WDR87: variants seen among roughly 807,000 people sequenced by gnomAD.
WDR87 encodes the protein WD repeat domain 87, also known as WD repeat-containing protein 87.
WDR87 carries 56 observed loss-of-function variants against 83.3 expected under a neutral mutation model. That is an observed-to-expected ratio of 0.67 (90% CI 0.54 to 0.84). The LOEUF (loss-of-function observed/expected upper bound fraction) is 0.84, where lower values mean the gene tolerates loss of function less well. Ranked by LOEUF, WDR87 falls within the 40% of genes least tolerant of loss-of-function variation. The probability of loss-of-function intolerance (pLI) is 0.00; values close to 1 mark genes in which losing one functional copy is unlikely to be tolerated. For synonymous variants in WDR87, 1,173 were observed against 1,250.6 expected (o/e 0.94, Z 1.31); for missense variants, 2,939 against 3,431.9 (o/e 0.86, Z 3.59).
At chr19:37,903,428 T>C (rs1423726643) in intron 1 of WDR87, among the ~76,000 whole-genome samples, 1 of 152,212 alleles carries the variant, frequency 6.6e-6, no homozygotes, top group Non-Finnish European at 1.5e-5. Context: ...CAGGGTGGGC[T>C]AGTTTCTGTT....
Position 37,885,607 on chromosome 19 carries a change from C to T in WDR87, c.8064G>A (p.Glu2688=), listed in dbSNP as rs765362570. 2.4e-5 allele frequency: 38 copies of T among 1,551,638 alleles called. No individual in the cohort carries two copies. In the Middle Eastern group the frequency reaches 5.0e-4, roughly 20 times the overall value. ...GAGCAATGGATATCTGCTGTGCCCT[C>T]TCACTTCTGTAAGGTTCTCCTAGAA... ...WHLLGEPYRS[E]RAQQISIAHK... Residue 2688 remains glutamate (E), a synonymous_variant, in exon 6 of 6, where the codon GAG becomes GAA. Transcript: ENST00000447313.
In WDR87 at chr19:37,889,530, C is replaced by G. The variant is rs577373170; in HGVS notation, c.4141G>C (p.Val1381Leu). ...GCTTGTTCTTCTTCCCTTGGCATCA[C>G]TTCCTTGTGTCTGATCACCTCTTGG... The part of the protein sequence containing the change: ...VTQEVIRHKE[V>L]MPREEEQAQK... The change falls in exon 6 of 6, where the codon GTG becomes CTG. Residue 1381 changes from valine (V) to leucine (L), a missense_variant. Val to Leu is a conservative substitution (Grantham distance 32). This residue lies in a region of WDR87 where 2,160 missense variants were observed against 2,533.1 expected (regional missense o/e 0.85). Transcript: ENST00000447313. The G allele has an allele frequency of 2.6e-6, 4 of 1,551,804 alleles. No homozygotes were observed. The highest frequency in any genetic ancestry group is 2.7e-5 in the African/African-American group (2 of 73,170).
At position 37,886,783 on chromosome 19, in the gene WDR87, C is replaced by A; in HGVS notation, c.6888G>T (p.Arg2296Ser). ...EEEEREEEEE[R>S]EEEEEREEEE... ...CCTCCTCCCTTTCCTCCTCCTCCTCCCTTTCCTCTTCTTCCTCCCTTTCCT... is the reference window on the plus strand; with the variant it reads ...CCTCCTCCCTTTCCTCCTCCTCCTCACTTTCCTCTTCTTCCTCCCTTTCCT... The change falls in exon 6 of 6, where the codon AGG becomes AGT. Residue 2296 changes from arginine (R) to serine (S), a missense_variant. Arg to Ser is a moderately radical substitution (Grantham distance 110, BLOSUM62 -1). Transcript: ENST00000447313. 6.5e-7 allele frequency: 1 copy of A among 1,540,710 alleles called. No homozygotes were observed.
intron 4 of WDR87, 121 bp from the exon 5 acceptor site, chr19:37,891,941 A>T: frequency 8.4e-7 from 1 of 1,187,318 alleles, no homozygotes; most frequent in South Asian, 1.6e-5. Flanking sequence ...GAGATGGCAT[A>T]TGCAGAGGAA....
rs2046144714 is a variant in WDR87, at chr19:37,886,341, G to A, written c.7330C>T (p.Pro2444Ser). ...ATTTGTTTCTCCGGCACTGGCACTG[G>A]TGTTTTCTCTTTCATCTCCAGAGCT... The part of the protein sequence containing the change: ...STALEMKEKT[P>S]VPVPEKQISW... Residue 2444 changes from proline to serine, a missense_variant, in exon 6 of 6, where the codon CCA (proline) becomes TCA (serine). Around this residue, in one of 3 missense-constraint regions of WDR87, gnomAD observed 2,160 missense variants for 2,533.1 expected, o/e 0.85. Transcript: ENST00000447313. The A allele has an allele frequency of 1.3e-6, 2 of 1,551,502 alleles. No homozygotes were observed. Among genetic ancestry groups the A allele is most frequent in the Non-Finnish European group, 1.7e-6 (2 of 1,146,962 alleles).
Position 37,894,772 on chromosome 19 carries a change from T to G in WDR87, c.931A>C (p.Asn311His). 1 of 1,551,750 alleles carries G rather than the reference T, an allele frequency of 6.4e-7. No individual in the cohort carries two copies. Residue 311 changes from asparagine (N) to histidine (H), a missense_variant, in exon 4 of 6, where the codon AAC becomes CAC. Coordinates refer to ENST00000447313, the MANE Select transcript of WDR87 (RefSeq NM_001291088.2). ...CGAAGCAGGCTCCCTGAAGTCAGGT[T>G]CCACTCCTTGATTAGGCTGTCACTA... ...AGSDSLIKEW[N>H]LTSGSLLRRL...
rs375065529 is a variant in WDR87, at chr19:37,888,456, G to T, written c.5215C>A (p.Leu1739Met). The T allele has an allele frequency of 3.2e-6, 5 of 1,552,018 alleles. No homozygotes were observed. In the African/African-American group the frequency reaches 5.5e-5, roughly 17 times the overall value. ...KNILAQKVEE[L>M]PQREQNLDWQ... ...TCCAGATTTTGTTCCCTCTGGGGCA[G>T]TTCTTCCACTTTCTGGGCCAATATG... The change falls in exon 6 of 6, where the codon CTG becomes ATG. Residue 1739 changes from leucine to methionine, a missense_variant. This residue lies in a region of WDR87 where 2,160 missense variants were observed against 2,533.1 expected (regional missense o/e 0.85). Coordinates refer to ENST00000447313, the MANE Select transcript of WDR87 (RefSeq NM_001291088.2).
At chr19:37,905,805 C>T (rs897619881) in intron 1 of WDR87, among the ~76,000 whole-genome samples, 1 of 152,124 alleles carries the variant, frequency 6.6e-6, no homozygotes, top group Admixed American at 6.6e-5. Context: ...CCTCCTGCCT[C>T]GGTGGCTCAA....
In WDR87 at chr19:37,893,111, C is replaced by T; in HGVS notation, c.2592G>A (p.Trp864Ter). The stretch of plus-strand genomic sequence containing the variant: ...TACTTATAGCTCTTACCCTGCTGTG[C>T]CAGAAAAAGAATTCTTGAGACCTGT... ...EWDRSQEFFF[W>*]HSRVRAISNT... The change falls in exon 4 of 6, where the codon TGG (tryptophan) becomes TGA (stop). Residue 864 changes from tryptophan to a stop codon, truncating the protein, a stop_gained. Coordinates refer to ENST00000447313, the MANE Select transcript of WDR87 (RefSeq NM_001291088.2). LOFTEE classifies it high-confidence loss of function. The T allele has an allele frequency of 3.2e-6, 5 of 1,551,758 alleles. No individual in the cohort carries two copies. Among genetic ancestry groups the T allele is most frequent in the Non-Finnish European group, 4.4e-6 (5 of 1,147,010 alleles).
In WDR87 at chr19:37,885,793, C is replaced by T; in HGVS notation, c.7878G>A (p.Arg2626=). The stretch of plus-strand genomic sequence containing the variant: ...GACTCATGGACTGTCTACTTGAGAT[C>T]CTTGTGTCTTGTGACTCCAGGGCCT... ...HRQALESQDT[R]ISSRQSMSPK... Residue 2626 remains arginine (R), a synonymous_variant, in exon 6 of 6, where the codon AGG becomes AGA. Transcript: ENST00000447313. The T allele has an allele frequency of 6.4e-7, 1 of 1,551,772 alleles. No homozygotes were observed. Among genetic ancestry groups the T allele is most frequent in the Non-Finnish European group, 8.7e-7 (1 of 1,147,022 alleles).
intron 4 of WDR87, 51 bp from the exon 5 acceptor site, chr19:37,891,871 G>A: frequency 6.5e-7 from 1 of 1,526,898 alleles, no homozygotes; most frequent in Non-Finnish European, 8.8e-7. Context: ...GAACAAAAGG[G>A]AGAATGGGAA....
At position 37,889,378 on chromosome 19, in the gene WDR87, CTCTTCTT is replaced by C; in HGVS notation, c.4286_4292del (p.Lys1429ArgfsTer22). The C allele has an allele frequency of 6.4e-7, 1 of 1,551,462 alleles. No individual in the cohort carries two copies. On this transcript the variant is annotated frameshift_variant, in exon 6 of 6. Coordinates refer to ENST00000447313, the MANE Select transcript of WDR87 (RefSeq NM_001291088.2). LOFTEE classifies it low-confidence loss of function (END_TRUNC). ...TAGGTGACTTCTGAAAGGTTTTCTT[CTCTTCTT>C]TCTTTGATATTTCTTTTCCCATGGT...
In WDR87 at chr19:37,885,053, C is replaced by T. The variant is rs1361409561; in HGVS notation, c.8618G>A (p.Arg2873His). 7.5e-6 allele frequency: 11 copies of T among 1,468,712 alleles called. No homozygotes were observed. The highest frequency in any genetic ancestry group is 5.7e-5 in the African/African-American group (4 of 70,360). The allele number at this position is 1,468,712 out of a possible 1,614,324, so 91.0% of individuals were successfully genotyped here. Residue 2873 changes from arginine (R) to histidine (H), a missense_variant, in exon 6 of 6, where the codon CGC becomes CAC. Physicochemically the swap from Arg to His is conservative, Grantham distance 29. This residue lies in a region of WDR87 where 2,160 missense variants were observed against 2,533.1 expected (regional missense o/e 0.85). Transcript: ENST00000447313. ...AVPLPWQNCV[R>H]TILPVGIARY... ...GGCAATGCCCACGGGAAGGATGGTG[C>T]GCACACAGTTCTGCCATGGGAGGGG...
At position 37,892,759 on chromosome 19, in the gene WDR87, C is replaced by T. The variant is rs1487791598; in HGVS notation, c.2944G>A (p.Glu982Lys). 1.3e-6 allele frequency: 2 copies of T among 1,551,742 alleles called. No individual in the cohort carries two copies. Among genetic ancestry groups the T allele is most frequent in the Non-Finnish European group, 1.7e-6 (2 of 1,146,994 alleles). Residue 982 changes from glutamate (E) to lysine (K), a missense_variant, in exon 4 of 6, where the codon GAA becomes AAA. Coordinates refer to ENST00000447313, the MANE Select transcript of WDR87 (RefSeq NM_001291088.2). The stretch of plus-strand genomic sequence containing the variant: ...ATCATTCCTAGACGCTTCAGCCCTT[C>T]CCAAGCTAGTTCTCGGATCAGCGGG... ...SNPLIRELAW[E>K]GLKRLGMITH...
chr19:37,894,884 G>T lies in WDR87; in HGVS notation c.819C>A (p.Gly273=). Residue 273 remains glycine, a synonymous_variant, in exon 4 of 6, where the codon GGC becomes GGA. Coordinates refer to ENST00000447313, the MANE Select transcript of WDR87 (RefSeq NM_001291088.2). ...GEIQVWSLQQ[G]HPLHSFQAHQ... is the part of the protein sequence containing the mutation. Reference sequence around the variant, plus strand: ...GGGCCTGGAAACTGTGGAGTGGATGGCCCTGCTGGAGGCTCCAAACTTGGA... The same window carrying T: ...GGGCCTGGAAACTGTGGAGTGGATGTCCCTGCTGGAGGCTCCAAACTTGGA... The T allele has an allele frequency of 2.6e-6, 4 of 1,551,742 alleles. No individual in the cohort carries two copies. The highest frequency in any genetic ancestry group is 1.7e-4 in the Middle Eastern group (1 of 5,992).
chr19:37,888,533 C>G lies in WDR87; in HGVS notation c.5138G>C (p.Arg1713Thr), dbSNP rs747555119. ...KLAKKWEKVA[R>T]EEEKLAKKGG... ...TTTCTTTGCTAGTTTCTCTTCTTCT[C>G]TAGCCACTTTCTCCCATTTCTTGGC... is the stretch of plus-strand genomic sequence containing the variant. Residue 1713 changes from arginine to threonine, a missense_variant, in exon 6 of 6, where the codon AGA becomes ACA. This residue lies in a region of WDR87 where 2,160 missense variants were observed against 2,533.1 expected (regional missense o/e 0.85). Coordinates refer to ENST00000447313, the MANE Select transcript of WDR87 (RefSeq NM_001291088.2). 3 of 1,551,564 alleles carry G rather than the reference C, an allele frequency of 1.9e-6. No individual in the cohort carries two copies. Among genetic ancestry groups the G allele is most frequent in the African/African-American group, 2.7e-5 (2 of 73,032 alleles).
intron 2 of WDR87, among the ~76,000 whole-genome samples, chr19:37,897,671 C>T (rs2046266731): frequency 6.6e-6 from 1 of 151,904 alleles, no homozygotes; most frequent in African/African-American, 2.4e-5. Context: ...ATTACTTGAG[C>T]TCAGGAGTTC....
At position 37,893,361 on chromosome 19, in the gene WDR87, C is replaced by T. The variant is rs900785056; in HGVS notation, c.2342G>A (p.Arg781His). The T allele has an allele frequency of 1.9e-5, 29 of 1,551,998 alleles. No homozygotes were observed. The highest frequency in any genetic ancestry group is 5.5e-5 in the African/African-American group (4 of 73,176). Reference sequence around the variant, plus strand: ...AGGAAGCACATAATGGCATTGGTAACGTTTGCTCACCTGCATCCAATCTTC... The same window carrying T: ...AGGAAGCACATAATGGCATTGGTAATGTTTGCTCACCTGCATCCAATCTTC... ...DMEDWMQVSKRYQCHYVLPPQ... is the reference protein window; with the variant it reads ...DMEDWMQVSKHYQCHYVLPPQ... The change falls in exon 4 of 6, where the codon CGT becomes CAT. Residue 781 changes from arginine (R) to histidine (H), a missense_variant. Physicochemically the swap from Arg to His is conservative, Grantham distance 29. Coordinates refer to ENST00000447313, the MANE Select transcript of WDR87 (RefSeq NM_001291088.2).
Position 37,891,651 on chromosome 19 carries a change from T to G in WDR87, c.3295A>C (p.Lys1099Gln). 6.4e-7 allele frequency: 1 copy of G among 1,551,916 alleles called. No individual in the cohort carries two copies. Among genetic ancestry groups the G allele is most frequent in the Non-Finnish European group, 8.7e-7 (1 of 1,147,042 alleles). The part of the protein sequence containing the change: ...SLDVSMPSEL[K>Q]SSLKPPTVSE... ...ACTGTAGGAGGTTTCAGGGAGGATT[T>G]AAGTTCAGAAGGCATTGAGACATCT... The change falls in exon 5 of 6, where the codon AAA (lysine) becomes CAA (glutamine). Residue 1099 changes from lysine to glutamine, a missense_variant. By Grantham distance (53) the Lys-to-Gln change is moderately conservative. Transcript: ENST00000447313.
Sources: allele counts gnomAD v4.1 joint callset (sites outside exome capture counted in the v4.1 genomes callset), GRCh38; gene constraint gnomAD v4.1.1; regional missense constraint gnomAD v4.1.1; transcripts MANE v1.5; gene names NCBI Gene and HGNC (gene_info 2026-07-23, HGNC 2026-07-21).